The following SPIDR variants were observed in gnomAD, a reference collection of about 807,000 sequenced individuals.
SPIDR encodes the protein DNA repair-scaffolding protein.
SPIDR carries 93 observed loss-of-function variants against 104.6 expected under a neutral mutation model. That is an observed-to-expected ratio of 0.89 (90% CI 0.75 to 1.06). SPIDR has a LOEUF of 1.06. SPIDR is among the 50% of genes least tolerant of loss of function. The pLI is 0.00. For missense variants in SPIDR, 1,154 were observed against 1,111.2 expected (o/e 1.04, Z -0.55); for synonymous variants, 431 against 416.9 (o/e 1.03, Z -0.41).
intron 5 of SPIDR, among the ~76,000 whole-genome samples, chr8:47,311,834 A>T (rs1394376787): frequency 6.6e-6 from 1 of 151,958 alleles, no homozygotes; most frequent in Admixed American, 6.6e-5. Flanking sequence ...TCATCATTTA[A>T]CATTAGGTAT....
intron 5 of SPIDR, among the ~76,000 whole-genome samples, chr8:47,358,618 A>T (rs1299781775): frequency 2.0e-5 from 3 of 152,204 alleles, no homozygotes; most frequent in Admixed American, 2.0e-4. Context: ...AGAAATGATG[A>T]ACTCAAGCCA....
chr8:47,726,138 T>G (rs889869028), intron 16 of SPIDR, among the ~76,000 whole-genome samples: 9 of 152,256 alleles, frequency 5.9e-5, no homozygotes, highest in African/African-American at 1.9e-4. Context: ...TTTATTGACT[T>G]TGCTTTTCAT....
chr8:47,530,431 G>A (rs765520103), intron 8 of SPIDR, among the ~76,000 whole-genome samples: 27 of 152,054 alleles, frequency 1.8e-4, no homozygotes, highest in Admixed American at 2.6e-4. Flanking sequence ...GTGACACTGC[G>A]AGACTCTGTG....
At chr8:47,593,795 A>C (rs2061337686) in intron 8 of SPIDR, among the ~76,000 whole-genome samples, 1 of 152,146 alleles carries the variant, frequency 6.6e-6, no homozygotes, top group African/African-American at 2.4e-5. Context: ...CTCCCTGCTA[A>C]GCCTCTGCTG....
At chr8:47,542,508 G>A (rs1483488874) in intron 8 of SPIDR, among the ~76,000 whole-genome samples, 1 of 152,076 alleles carries the variant, frequency 6.6e-6, no homozygotes, top group Non-Finnish European at 1.5e-5. Context: ...CCACACAGTA[G>A]CTAAGGATTT....
chr8:47,503,345 G>A (rs1468659913), intron 8 of SPIDR, among the ~76,000 whole-genome samples: 2 of 152,230 alleles, frequency 1.3e-5, no homozygotes, highest in South Asian at 2.1e-4. Context: ...TATATATTTA[G>A]GATAGTTAGC....
At chr8:47,565,823 C>A (rs536219469) in intron 8 of SPIDR, among the ~76,000 whole-genome samples, 19 of 149,032 alleles carry the variant, frequency 1.3e-4, no homozygotes, top group African/African-American at 4.4e-4. Context: ...TATTGTTTAA[C>A]CTATATTAAC....
rs71225684 is a variant in SPIDR, at chr8:47,458,323, GTATTTTATTTTATTTTATTTTATTT to G, written c.1097+17826_1097+17850del. ...CCTCTTTGGTTAAGCATATTCCTAA[GTATTTTATTTTATTTTATTTTATTT>G]TATTTTATTTTATTTTATTTTATTT... is the stretch of plus-strand genomic sequence containing the variant. On this transcript the variant is annotated intron_variant, in intron 8 of 19. Coordinates refer to ENST00000297423, the MANE Select transcript of SPIDR (RefSeq NM_001080394.4). 7.7e-4 allele frequency among the ~76,000 whole-genome samples: 87 copies of G among 112,264 alleles called. 1 individual carries two copies. The highest frequency in any genetic ancestry group is 2.3e-3 in the African/African-American group (67 of 29,610). The allele number at this position is 112,264 out of a possible 152,430, so 73.6% of individuals were successfully genotyped here.
intron 5 of SPIDR, among the ~76,000 whole-genome samples, chr8:47,362,825 G>A (rs2154290332): frequency 6.6e-6 from 1 of 152,014 alleles, no homozygotes; most frequent in East Asian, 1.9e-4. Flanking sequence ...AATTTTTTTT[G>A]TATTTTTAGT....
At chr8:47,363,577 G>GT (rs2056587663) in intron 5 of SPIDR, among the ~76,000 whole-genome samples, 1 of 151,876 alleles carries the variant, frequency 6.6e-6, no homozygotes, top group Non-Finnish European at 1.5e-5. Flanking sequence ...TCCCGCCCCA[G>GT]GCTCTGGCAG....
chr8:47,588,045 A>G (rs2060485408), intron 8 of SPIDR, among the ~76,000 whole-genome samples: 1 of 54,434 alleles, frequency 1.8e-5, no homozygotes, highest in African/African-American at 1.1e-4. Flanking sequence ...ATATATATAT[A>G]TATATATATA....
intron 11 of SPIDR, among the ~76,000 whole-genome samples, chr8:47,681,417 T>C (rs1035952521): frequency 1.3e-4 from 20 of 152,138 alleles, no homozygotes; most frequent in African/African-American, 4.1e-4. Context: ...TACAGTAAGC[T>C]CTACAAAACA....
chr8:47,463,423 A>G (rs2074266409), intron 8 of SPIDR, among the ~76,000 whole-genome samples: 1 of 152,114 alleles, frequency 6.6e-6, no homozygotes, highest in Admixed American at 6.5e-5. Flanking sequence ...AGATGGATTC[A>G]TGAGTAAATT....
In SPIDR at chr8:47,363,486, C is replaced by T. The variant is rs1291985965; in HGVS notation, c.526-32890C>T. 2.4e-4 allele frequency among the ~76,000 whole-genome samples: 32 copies of T among 134,442 alleles called. No homozygotes were observed. The Admixed American group carries it at 2.6e-3, about 11-fold the overall frequency. The allele number at this position is 134,442 out of a possible 152,430, so 88.2% of individuals were successfully genotyped here. On this transcript the variant is annotated intron_variant, in intron 5 of 19. Transcript: ENST00000297423. Reference sequence around the variant, plus strand: ...CTGAGATTACAGGCGTGAGCTACCACGCCCAACCTTTTTTAAAAAAAAAAA... The same window carrying T: ...CTGAGATTACAGGCGTGAGCTACCATGCCCAACCTTTTTTAAAAAAAAAAA...
At chr8:47,511,293 G>A in intron 8 of SPIDR, 1 of 1,422,480 alleles carries the variant, frequency 7.0e-7, no homozygotes, top group Non-Finnish European at 9.9e-7. Context: ...AGATGGAAGA[G>A]CTGGCTTTGG....
chr8:47,307,733 T>C (rs1262180086), intron 5 of SPIDR, among the ~76,000 whole-genome samples: 1 of 151,522 alleles, frequency 6.6e-6, no homozygotes, highest in Non-Finnish European at 1.5e-5. Context: ...GAGATGGGGT[T>C]TTGCCATGTT....
chr8:47,353,645 C>A (rs1206178019), intron 5 of SPIDR, among the ~76,000 whole-genome samples: 4 of 151,718 alleles, frequency 2.6e-5, no homozygotes, highest in African/African-American at 9.7e-5. Flanking sequence ...CACTGAAAAT[C>A]CCTTATTATA....
intron 8 of SPIDR, among the ~76,000 whole-genome samples, chr8:47,470,606 A>T (rs2075556347): frequency 6.6e-6 from 1 of 152,206 alleles, no homozygotes; most frequent in South Asian, 2.1e-4. Context: ...CAAGGGCACT[A>T]TGATCATTCA....
chr8:47,499,653 A>G (rs553833734), intron 8 of SPIDR, among the ~76,000 whole-genome samples: 1 of 150,542 alleles, frequency 6.6e-6, no homozygotes, highest in South Asian at 2.1e-4. Flanking sequence ...TTTTTTTATT[A>G]TACTTTTAAG....
Sources: allele counts gnomAD v4.1 joint callset (sites outside exome capture counted in the v4.1 genomes callset), GRCh38; gene constraint gnomAD v4.1.1; transcripts MANE v1.5; gene names NCBI Gene and HGNC (gene_info 2026-07-23, HGNC 2026-07-21).